EDA: variants seen among roughly 807,000 people sequenced by gnomAD.
The protein encoded by EDA is ectodysplasin A, also known as ectodysplasin-A.
In EDA, 2 loss-of-function variants were observed where a neutral mutation model predicts 23.6. The ratio of observed to expected loss-of-function variants is 0.08; its 90% confidence interval spans 0.03 to 0.27. EDA has a LOEUF of 0.27. Ranked by LOEUF, EDA falls within the 10% of genes least tolerant of loss-of-function variation. The pLI, the probability that EDA is intolerant of heterozygous loss-of-function variation, is 1.00. For missense variants in EDA, 229 were observed against 324.2 expected, an observed-to-expected ratio of 0.71 and a Z score of 2.26; for synonymous variants, 131 against 132.0, an observed-to-expected ratio of 0.99 and a Z score of 0.05.
intron 1 of EDA, among the ~76,000 whole-genome samples, chrX:69,910,416 T>C (rs1004779835): frequency 5.8e-5 from 6 of 103,402 alleles, no homozygotes; most frequent in Admixed American, 1.0e-4. Flanking sequence ...TGTGTGTGTG[T>C]GTGTGTGTGT....
chrX:69,965,035 G>T (rs2019155252), intron 2 of EDA, among the ~76,000 whole-genome samples: 1 of 112,019 alleles, frequency 8.9e-6, no homozygotes, highest in Non-Finnish European at 1.9e-5. Context: ...CACTGTGGAT[G>T]ATTTCAATAC....
chrX:69,677,144 C>T (rs1444958806), intron 1 of EDA, among the ~76,000 whole-genome samples: 1 of 103,371 alleles, frequency 9.7e-6, no homozygotes, highest in Non-Finnish European at 2.0e-5. Flanking sequence ...CATGTCCCTA[C>T]AAAGGACATG....
chrX:69,722,432 T>G (rs372878198), intron 1 of EDA, among the ~76,000 whole-genome samples: 1 of 110,787 alleles, frequency 9.0e-6, no homozygotes, highest in East Asian at 2.8e-4. Flanking sequence ...GGTCTCGATC[T>G]CCTGACCTCG....
Position 69,710,746 on chromosome X carries a change from T to G in EDA, c.396+94042T>G, listed in dbSNP as rs190570823. On this transcript the variant is annotated intron_variant, in intron 1 of 7. Coordinates refer to ENST00000374552, the MANE Select transcript of EDA (RefSeq NM_001399.5). ...GGATTCCTAGGCATTTTATTCTCTT[T>G]GAAGCAATTGTGAATGGGAGTTCAC... 9.0e-3 allele frequency among the ~76,000 whole-genome samples: 1,009 copies of G among 111,671 alleles called. 21 individuals are homozygous for G. The highest frequency in any genetic ancestry group is 0.064 in the Admixed American group (675 of 10,484).
At chrX:69,752,944 G>A (rs1322017786) in intron 1 of EDA, among the ~76,000 whole-genome samples, 1 of 111,262 alleles carries the variant, frequency 9.0e-6, no homozygotes, top group Non-Finnish European at 1.9e-5. Flanking sequence ...ATTTTTTATT[G>A]CATCTATTTG....
At chrX:69,873,698 C>T (rs1015915919) in intron 1 of EDA, among the ~76,000 whole-genome samples, 3 of 111,603 alleles carry the variant, frequency 2.7e-5, no homozygotes, top group African/African-American at 9.8e-5. Context: ...AAATTGCCAA[C>T]AAGCAAAGAA....
chrX:69,764,346 G>A lies in EDA; in HGVS notation c.396+147642G>A, dbSNP rs1174929707. Among the ~76,000 whole-genome samples, 5 of 102,176 alleles carry A rather than the reference G, an allele frequency of 4.9e-5. 1 individual carries two copies. The highest frequency in any genetic ancestry group is 9.6e-4 in the South Asian group (2 of 2,075). The allele number at this position is 102,176 out of a possible 115,157, so 88.7% of individuals were successfully genotyped here. A position where few individuals can be genotyped will look rare whatever the true frequency, so the allele number is the denominator to read the frequency against. ...CAACCTCCGCCTCCTGGGTTCAGGC[G>A]ATTCTCGTGCCTCAACCACCTGAGT... On this transcript the variant is annotated intron_variant, in intron 1 of 7. Transcript: ENST00000374552.
At chrX:69,616,984 C>T (rs1453505975) in intron 1 of EDA, 4 of 427,082 alleles carry the variant, frequency 9.4e-6, no homozygotes, top group East Asian at 3.8e-5. Context: ...GGCGACGCTC[C>T]CGTCGAGGAG....
chrX:69,654,463 T>C (rs373690011), intron 1 of EDA, among the ~76,000 whole-genome samples: 1 of 111,591 alleles, frequency 9.0e-6, no homozygotes, highest in East Asian at 2.8e-4. Context: ...ACCCAAAGGA[T>C]TATAAATCAT....
At chrX:69,919,403 A>G (rs1241489086) in intron 1 of EDA, among the ~76,000 whole-genome samples, 2 of 112,469 alleles carry the variant, frequency 1.8e-5, no homozygotes, top group African/African-American at 6.5e-5. Flanking sequence ...TCAAGGAGAC[A>G]CTGGCAGATA....
At chrX:69,835,478 A>T (rs1344653973) in intron 1 of EDA, among the ~76,000 whole-genome samples, 1 of 111,536 alleles carries the variant, frequency 9.0e-6, no homozygotes, top group Non-Finnish European at 1.9e-5. Flanking sequence ...TCAATCACTG[A>T]TACCCTTTCT....
At chrX:69,723,097 CAAGG>C (rs1375507656) in intron 1 of EDA, among the ~76,000 whole-genome samples, 1 of 111,896 alleles carries the variant, frequency 8.9e-6, no homozygotes, top group Non-Finnish European at 1.9e-5. Context: ...TTAAAGTTCT[CAAGG>C]AAGAAGGTTA....
At chrX:69,734,037 G>C (rs748062070) in intron 1 of EDA, among the ~76,000 whole-genome samples, 246 of 110,801 alleles carry the variant, frequency 2.2e-3, no homozygotes, top group African/African-American at 7.6e-3. Context: ...TAAATGTTTG[G>C]TGTAATTTGC....
At chrX:69,858,130 G>A (rs904665352) in intron 1 of EDA, among the ~76,000 whole-genome samples, 6 of 111,772 alleles carry the variant, frequency 5.4e-5, no homozygotes, top group Non-Finnish European at 1.1e-4. Context: ...AAGCTTTTGG[G>A]CCAAGACTAT....
chrX:69,682,497 A>C (rs1342033364), intron 1 of EDA, among the ~76,000 whole-genome samples: 1 of 112,166 alleles, frequency 8.9e-6, no homozygotes, highest in Non-Finnish European at 1.9e-5. Flanking sequence ...GGACACTCCA[A>C]GCCAGGTGTG....
chrX:69,991,448 C>G (rs1264801152), intron 2 of EDA, among the ~76,000 whole-genome samples: 1 of 110,910 alleles, frequency 9.0e-6, no homozygotes, highest in Non-Finnish European at 1.9e-5. Flanking sequence ...TTGACTCCTA[C>G]TGGTGTTACC....
intron 1 of EDA, among the ~76,000 whole-genome samples, chrX:69,918,134 A>G (rs765604770): frequency 6.7e-5 from 7 of 104,797 alleles, no homozygotes; most frequent in Non-Finnish European, 1.3e-4. Flanking sequence ...AGGAAGCTGA[A>G]TACCCCATCC....
intron 1 of EDA, among the ~76,000 whole-genome samples, chrX:69,870,742 C>T (rs1241156176): frequency 9.0e-6 from 1 of 111,560 alleles, no homozygotes; most frequent in Admixed American, 9.5e-5. Flanking sequence ...CCAATCAATG[C>T]CCTCATTTTA....
intron 1 of EDA, among the ~76,000 whole-genome samples, chrX:69,778,336 T>C (rs1009796737): frequency 9.0e-6 from 1 of 111,467 alleles, no homozygotes; most frequent in Non-Finnish European, 1.9e-5. Flanking sequence ...GGTTTTGCTA[T>C]TGGTTCTTGA....
Sources: allele counts gnomAD v4.1 joint callset (sites outside exome capture counted in the v4.1 genomes callset), GRCh38; gene constraint gnomAD v4.1.1; transcripts MANE v1.5; gene names NCBI Gene and HGNC (gene_info 2026-07-23, HGNC 2026-07-21).